Variants in EPB41L4A observed in about 807,000 individuals in gnomAD.
The protein encoded by EPB41L4A is band 4.1-like protein 4A.
EPB41L4A carries 100 observed loss-of-function variants against 108.6 expected under a neutral mutation model. The ratio of observed to expected loss-of-function variants is 0.92; its 90% confidence interval spans 0.78 to 1.09. The LOEUF (loss-of-function observed/expected upper bound fraction) is 1.09. Among genes scored for constraint, EPB41L4A ranks in the 50% least tolerant of loss-of-function variants. The pLI is 0.00. For synonymous variants in EPB41L4A, 319 were observed against 289.0 expected (o/e 1.10, Z -1.05); for missense variants, 1,030 against 842.7 (o/e 1.22, Z -2.75).
In EPB41L4A at chr5:112,255,772, T is replaced by C. The variant is rs183985040; in HGVS notation, c.795+3457A>G. ...CAAATTTATATATTCTGCTCAGACGTTGGTACTAAACTCCAGGCTCACATA... is the reference window on the plus strand; with the variant it reads ...CAAATTTATATATTCTGCTCAGACGCTGGTACTAAACTCCAGGCTCACATA... On this transcript the variant is annotated intron_variant, in intron 9 of 22. Transcript: ENST00000261486. 4.3e-4 allele frequency among the ~76,000 whole-genome samples: 65 copies of C among 152,294 alleles called. 1 individual carries two copies. The highest frequency in any genetic ancestry group is 3.1e-3 in the East Asian group (16 of 5,174).
At chr5:112,339,285 G>A (rs1231783532) in intron 1 of EPB41L4A, among the ~76,000 whole-genome samples, 2 of 151,826 alleles carry the variant, frequency 1.3e-5, no homozygotes, top group Middle Eastern at 3.2e-3. Flanking sequence ...TCCTTGACAA[G>A]GTCAGTCAAG....
At chr5:112,194,514 C>A in intron 17 of EPB41L4A, 54 bp downstream of exon 17, 1 of 1,084,764 alleles carries the variant, frequency 9.2e-7, no homozygotes, top group Non-Finnish European at 1.4e-6. Flanking sequence ...TTTCTACCAC[C>A]AAGGGCAGCC....
At chr5:112,300,339 T>C (rs1294961134) in intron 2 of EPB41L4A, among the ~76,000 whole-genome samples, 1 of 152,166 alleles carries the variant, frequency 6.6e-6, no homozygotes, top group Non-Finnish European at 1.5e-5. Flanking sequence ...TATAGTGCTG[T>C]CTTAGGACTG....
At chr5:112,209,092 C>T (rs377647892) in intron 13 of EPB41L4A, among the ~76,000 whole-genome samples, 19 of 152,326 alleles carry the variant, frequency 1.2e-4, no homozygotes, top group African/African-American at 4.1e-4. Flanking sequence ...AGCCACAATA[C>T]AGCTGAATGA....
At chr5:112,403,285 G>A (rs1459858222) in intron 1 of EPB41L4A, among the ~76,000 whole-genome samples, 1 of 133,420 alleles carries the variant, frequency 7.5e-6, no homozygotes, top group Non-Finnish European at 1.6e-5. Context: ...TTGGTTCGTT[G>A]AACAAAGATT....
rs773079912 is a variant in EPB41L4A at position 112,419,041 on chromosome 5, T to G, written c.-2A>C. The G allele has an allele frequency of 1.2e-6, 2 of 1,611,728 alleles. No individual in the cohort carries two copies. Among genetic ancestry groups the G allele is most frequent in the East Asian group, 4.5e-5 (2 of 44,716 alleles). ...CGGAACAGCGCAGAAACAGCCCATG[T>G]CGGTTGTGGTCGTCTCCAGCCAGGA... On this transcript the variant is annotated 5_prime_UTR_variant, in exon 1 of 23. Transcript: ENST00000261486.
chr5:112,274,141 G>T (rs1752457417), intron 4 of EPB41L4A, among the ~76,000 whole-genome samples: 1 of 151,982 alleles, frequency 6.6e-6, no homozygotes, highest in Admixed American at 6.6e-5. Flanking sequence ...TTAGCTAGGT[G>T]TAGTGGCACA....
intron 11 of EPB41L4A, among the ~76,000 whole-genome samples, chr5:112,237,151 C>A (rs1382192765): frequency 6.6e-6 from 1 of 152,136 alleles, no homozygotes; most frequent in Admixed American, 6.6e-5. Context: ...GTAAGGGGCT[C>A]AGAGAAGATA....
At chr5:112,154,683 AT>A (rs980718799) in intron 12 of EPB41L4A, among the ~76,000 whole-genome samples, 4 of 152,170 alleles carry the variant, frequency 2.6e-5, no homozygotes, top group Non-Finnish European at 5.9e-5. Flanking sequence ...CCCCCACAAA[AT>A]TTTTTTAAAT....
intron 1 of EPB41L4A, among the ~76,000 whole-genome samples, chr5:112,317,599 G>C (rs1199002292): frequency 6.6e-6 from 1 of 152,038 alleles, no homozygotes; most frequent in Non-Finnish European, 1.5e-5. Flanking sequence ...TTTTTCATTT[G>C]CCCTTCTCTC....
At chr5:112,277,334 A>T (rs541255010) in intron 3 of EPB41L4A, among the ~76,000 whole-genome samples, 22 of 152,348 alleles carry the variant, frequency 1.4e-4, no homozygotes, top group Admixed American at 1.4e-3. Context: ...AATGTTCAGT[A>T]TGAACAGTTA....
At chr5:112,175,231 T>C (rs549591279) in intron 18 of EPB41L4A, 3 of 152,360 alleles carry the variant, frequency 2.0e-5, no homozygotes, top group Non-Finnish European at 2.9e-5. Context: ...ACCAAAACCA[T>C]TGTTTACGCT....
chr5:112,165,400 T>C (rs1433382592), intron 22 of EPB41L4A, among the ~76,000 whole-genome samples: 1 of 152,228 alleles, frequency 6.6e-6, no homozygotes, highest in Admixed American at 6.5e-5. Flanking sequence ...TCATTACTTT[T>C]GTTAACAATT....
intron 3 of EPB41L4A, among the ~76,000 whole-genome samples, chr5:112,277,201 G>T (rs2150496815): frequency 6.6e-6 from 1 of 152,246 alleles, no homozygotes; most frequent in East Asian, 1.9e-4. Context: ...TAGGGGGCGG[G>T]GAGGAGCACA....
intron 2 of EPB41L4A, among the ~76,000 whole-genome samples, chr5:112,300,156 T>G (rs571197370): frequency 1.3e-5 from 2 of 152,210 alleles, no homozygotes; most frequent in Non-Finnish European, 2.9e-5. Context: ...ACATTAGTAT[T>G]TAGATATGAG....
intron 1 of EPB41L4A, among the ~76,000 whole-genome samples, chr5:112,322,230 A>C (rs1218368011): frequency 6.6e-6 from 1 of 152,226 alleles, no homozygotes; most frequent in Non-Finnish European, 1.5e-5. Context: ...TCAAGGAAGA[A>C]GGTATTATTT....
At chr5:112,365,681 C>G (rs7720272) in intron 1 of EPB41L4A, among the ~76,000 whole-genome samples, 8,535 of 152,210 alleles carry the variant, frequency 0.056, 786 homozygotes, top group African/African-American at 0.18. Flanking sequence ...CACTAGTTTT[C>G]TCCTAACGTC....
At chr5:112,283,060 A>C (rs185685752) in intron 2 of EPB41L4A, among the ~76,000 whole-genome samples, 1 of 152,304 alleles carries the variant, frequency 6.6e-6, no homozygotes, top group East Asian at 1.9e-4. Context: ...AATCTGTTCT[A>C]TTTTAAAATA....
chr5:112,325,247 C>G (rs982181028), intron 1 of EPB41L4A, among the ~76,000 whole-genome samples: 4 of 152,258 alleles, frequency 2.6e-5, no homozygotes, highest in African/African-American at 7.2e-5. Flanking sequence ...CAGGACCATC[C>G]TGGCTAACAT....
Sources: allele counts gnomAD v4.1 joint callset (sites outside exome capture counted in the v4.1 genomes callset), GRCh38; gene constraint gnomAD v4.1.1; transcripts MANE v1.5; gene names NCBI Gene and HGNC (gene_info 2026-07-23, HGNC 2026-07-21).